The following GRM7 variants were observed in gnomAD, a reference collection of about 807,000 sequenced individuals.
GRM7 encodes the protein metabotropic glutamate receptor 7.
A neutral mutation model predicts 84.5 loss-of-function variants in GRM7; 35 were observed. The observed-to-expected ratio is 0.41, with a 90% CI of 0.32 to 0.55. GRM7 has a LOEUF of 0.55. Among genes scored for constraint, GRM7 ranks in the 20% least tolerant of loss-of-function variants. GRM7 has a pLI of 0.19. For missense variants in GRM7, 1,003 were observed against 1,194.6 expected (o/e 0.84, Z 2.36); for synonymous variants, 487 against 455.1 (o/e 1.07, Z -0.89).
intron 1 of GRM7, among the ~76,000 whole-genome samples, chr3:7,007,909 T>G (rs1265148074): frequency 6.6e-6 from 1 of 152,166 alleles, no homozygotes; most frequent in Non-Finnish European, 1.5e-5. Flanking sequence ...CCAGGGACAT[T>G]TGGTTCTTGG....
At chr3:6,888,452 C>T (rs1332605540) in intron 1 of GRM7, among the ~76,000 whole-genome samples, 1 of 152,140 alleles carries the variant, frequency 6.6e-6, no homozygotes, top group African/African-American at 2.4e-5. Context: ...CTACATATGG[C>T]TGGCCAGTTT....
intron 4 of GRM7, among the ~76,000 whole-genome samples, chr3:7,375,363 C>T (rs532877596): frequency 4.6e-5 from 7 of 151,978 alleles, no homozygotes; most frequent in African/African-American, 1.2e-4. Context: ...GGACTACAGG[C>T]GTGCGCTTCC....
intron 1 of GRM7, among the ~76,000 whole-genome samples, chr3:7,059,935 A>T (rs1350261072): frequency 2.0e-5 from 3 of 151,824 alleles, no homozygotes; most frequent in Non-Finnish European, 4.4e-5. Context: ...TACCCAGTTT[A>T]TGTATTTTGT....
At chr3:7,041,727 A>G (rs577903930) in intron 1 of GRM7, among the ~76,000 whole-genome samples, 86 of 152,308 alleles carry the variant, frequency 5.6e-4, no homozygotes, top group South Asian at 1.0e-3. Context: ...TAAAATCCTC[A>G]GAATCTCCAG....
At chr3:7,035,433 A>G (rs187468837) in intron 1 of GRM7, among the ~76,000 whole-genome samples, 2 of 152,338 alleles carry the variant, frequency 1.3e-5, no homozygotes, top group East Asian at 3.9e-4. Context: ...TGCTATTTCA[A>G]TACAGAAGGA....
chr3:6,892,001 A>T (rs1032858580), intron 1 of GRM7, among the ~76,000 whole-genome samples: 1 of 152,080 alleles, frequency 6.6e-6, no homozygotes, highest in African/African-American at 2.4e-5. Context: ...CATCACTGAT[A>T]CCCTTTCTTC....
intron 7 of GRM7, among the ~76,000 whole-genome samples, chr3:7,493,586 T>A (rs554433133): frequency 1.0e-3 from 155 of 152,124 alleles, no homozygotes; most frequent in African/African-American, 3.5e-3. Context: ...TGAGTTTCCA[T>A]TTTTTAAGTA....
At chr3:7,357,335 T>C (rs2125099373) in intron 4 of GRM7, among the ~76,000 whole-genome samples, 1 of 152,108 alleles carries the variant, frequency 6.6e-6, no homozygotes, top group Admixed American at 6.6e-5. Flanking sequence ...TTCTTGCCAG[T>C]TTTGTTTCTC....
chr3:7,299,299 T>A (rs1699917313), intron 3 of GRM7, among the ~76,000 whole-genome samples: 1 of 152,176 alleles, frequency 6.6e-6, no homozygotes, highest in African/African-American at 2.4e-5. Context: ...AAAATCTGCT[T>A]GTAATCTTGA....
intron 9 of GRM7, among the ~76,000 whole-genome samples, chr3:7,708,688 G>T (rs931363329): frequency 1.3e-5 from 2 of 152,088 alleles, no homozygotes; most frequent in Admixed American, 1.3e-4. Context: ...AGTAGTAGAG[G>T]TTGGAAACCA....
chr3:6,987,720 C>A (rs1392432000), intron 1 of GRM7, among the ~76,000 whole-genome samples: 1 of 152,140 alleles, frequency 6.6e-6, no homozygotes, highest in East Asian at 1.9e-4. Flanking sequence ...AGTTGTATGA[C>A]CTGCTTACTA....
intron 7 of GRM7, among the ~76,000 whole-genome samples, chr3:7,574,731 A>G (rs1694877014): frequency 6.6e-6 from 1 of 152,210 alleles, no homozygotes; most frequent in Non-Finnish European, 1.5e-5. Context: ...AGAACCTCAG[A>G]TCAGGACAGT....
At chr3:7,049,221 G>T (rs1696909474) in intron 1 of GRM7, among the ~76,000 whole-genome samples, 1 of 151,824 alleles carries the variant, frequency 6.6e-6, no homozygotes, top group African/African-American at 2.4e-5. Context: ...CGTTGTACTG[G>T]TCTATTCTCA....
intron 1 of GRM7, among the ~76,000 whole-genome samples, chr3:6,906,150 T>C (rs1696570663): frequency 6.6e-6 from 1 of 152,210 alleles, no homozygotes; most frequent in East Asian, 1.9e-4. Context: ...TCTTGTCAGA[T>C]GACGCCTCAC....
chr3:7,119,700 T>C (rs1179874471), intron 1 of GRM7, among the ~76,000 whole-genome samples: 1 of 152,128 alleles, frequency 6.6e-6, no homozygotes, highest in Non-Finnish European at 1.5e-5. Context: ...CCTAATTGTT[T>C]CTGTGAGCTC....
chr3:7,487,380 T>A (rs770403476), intron 7 of GRM7, among the ~76,000 whole-genome samples: 2 of 152,182 alleles, frequency 1.3e-5, no homozygotes, highest in Non-Finnish European at 2.9e-5. Context: ...AGTTGCTAGA[T>A]ATTAGCATGG....
chr3:7,223,348 T>G (rs1192472215), intron 2 of GRM7, among the ~76,000 whole-genome samples: 1 of 152,116 alleles, frequency 6.6e-6, no homozygotes, highest in Non-Finnish European at 1.5e-5. Context: ...CCTTCATCTC[T>G]TACTACTACA....
intron 1 of GRM7, among the ~76,000 whole-genome samples, chr3:7,122,110 A>T (rs1050837635): frequency 1.3e-5 from 2 of 152,184 alleles, no homozygotes; most frequent in African/African-American, 4.8e-5. Context: ...TAAATTACCC[A>T]GTCTGTGGTG....
chr3:6,883,864 TTGAGAAGTC>T (rs1451570763), intron 1 of GRM7, among the ~76,000 whole-genome samples: 1 of 152,144 alleles, frequency 6.6e-6, no homozygotes, highest in Non-Finnish European at 1.5e-5. Flanking sequence ...GCAAGTAGAT[TTGAGAAGTC>T]TGAGAAGTTA....
Sources: gnomAD v4.1 joint callset for allele counts (sites outside exome capture counted in the v4.1 genomes callset) on GRCh38, gnomAD v4.1.1 for gene constraint, MANE v1.5 for transcripts, NCBI Gene and HGNC (gene_info 2026-07-23, HGNC 2026-07-21) for gene names.